Variants in SCARB1 observed in about 807,000 individuals in gnomAD.
The protein encoded by SCARB1 is CD36 and LIMPII analogous 1.
In SCARB1, 30 loss-of-function variants were observed where a neutral mutation model predicts 57.2. That is an observed-to-expected ratio of 0.52 (90% confidence interval 0.39 to 0.71). The LOEUF is 0.71. Ranked by LOEUF, SCARB1 falls within the 30% of genes least tolerant of loss-of-function variation. The pLI is 0.00. For synonymous variants in SCARB1, 249 were observed against 268.3 expected, an observed-to-expected ratio of 0.93 and a Z score of 0.70; for missense variants, 543 against 671.2, an observed-to-expected ratio of 0.81 and a Z score of 2.11.
chr12:124,835,845 T>C (rs4765620), intron 1 of SCARB1, among the ~76,000 whole-genome samples: 145,010 of 152,338 alleles, frequency 0.95, 69,477 homozygotes, highest in East Asian at 1. Flanking sequence ...TGGGCCTGCA[T>C]GCCACGTGGC....
intron 1 of SCARB1, among the ~76,000 whole-genome samples, chr12:124,825,118 G>A (rs1054759019): frequency 2.6e-5 from 4 of 151,496 alleles, no homozygotes; most frequent in Non-Finnish European, 4.4e-5. Context: ...CCAGCTACTC[G>A]GGTGGCTGAG....
Position 124,782,707 on chromosome 12 carries a change from A to T in SCARB1, c.1506T>A (p.Ser502=). 6.2e-7 allele frequency: 1 copy of T among 1,614,166 alleles called. No homozygotes were observed. Among genetic ancestry groups the T allele is most frequent in the South Asian group, 1.1e-5 (1 of 91,080 alleles). The change falls in exon 12 of 13, where the codon TCT becomes TCA. Residue 502 remains serine (S), a synonymous_variant. Transcript: ENST00000261693. ...CCTACAGTTTTGCTTCCTGCAGCAC[A>T]GAGCCCTTGGGAGCTGATGTCATCA... ...ESLMTSAPKG[S]VLQEAKL is the part of the protein sequence containing the mutation.
chr12:124,778,563 C>G lies in SCARB1; in HGVS notation c.*24G>C. 1 of 1,393,790 alleles carries G rather than the reference C, an allele frequency of 7.2e-7. No individual in the cohort carries two copies. Among genetic ancestry groups the G allele is most frequent in the Non-Finnish European group, 9.3e-7 (1 of 1,073,338 alleles). The allele number at this position is 1,393,790 out of a possible 1,614,324, so 86.3% of individuals were successfully genotyped here. On this transcript the variant is annotated 3_prime_UTR_variant, in exon 13 of 13. Coordinates refer to ENST00000261693, the MANE Select transcript of SCARB1 (RefSeq NM_005505.5). ...GGTCAGGCCCAGCGGCCAGGCCTGG[C>G]TGGCTCACGGTGTCCTCAGGACCCT...
Position 124,863,743 on chromosome 12 carries a change from C to T in SCARB1, c.-23G>A, listed in dbSNP as rs759772899. 11 of 1,439,352 alleles carry T rather than the reference C, an allele frequency of 7.6e-6. No homozygotes were observed. Among genetic ancestry groups the T allele is most frequent in the Non-Finnish European group, 1.0e-5 (11 of 1,095,294 alleles). 89.2% of individuals were successfully genotyped at this position (1,439,352 alleles called of 1,614,324 possible). Reference sequence around the variant, plus strand: ...CATGTCTGCGCGCCTGGGGCCCACCCGCGGCTCGCAGGGCTCCGCGCCTGG... The same window carrying T: ...CATGTCTGCGCGCCTGGGGCCCACCTGCGGCTCGCAGGGCTCCGCGCCTGG... On this transcript the variant is annotated 5_prime_UTR_variant, in exon 1 of 13. Coordinates refer to ENST00000261693, the MANE Select transcript of SCARB1 (RefSeq NM_005505.5).
intron 1 of SCARB1, among the ~76,000 whole-genome samples, chr12:124,819,149 G>GA: frequency 2.0e-5 from 3 of 150,102 alleles, no homozygotes; most frequent in Admixed American, 2.0e-4. Context: ...AAAAAGAAAA[G>GA]AAAGAAAGAA....
Position 124,817,204 on chromosome 12 carries a change from T to G in SCARB1, c.284+346A>C, listed in dbSNP as rs1950769578. 6.6e-6 allele frequency among the ~76,000 whole-genome samples: 1 copy of G among 151,462 alleles called. No individual in the cohort carries two copies. Among genetic ancestry groups the G allele is most frequent in the African/African-American group, 2.4e-5 (1 of 41,170 alleles). On this transcript the variant is annotated intron_variant, in intron 2 of 12. Coordinates refer to ENST00000261693, the MANE Select transcript of SCARB1 (RefSeq NM_005505.5). The surrounding 1 kb of genome is among the most constrained non-coding windows in gnomAD (Gnocchi z 4.8). ...GCACCCTCCACCCAGACGCACACCA[T>G]TGGTCCCTCCCTGCTCCATAAAGAA...
rs1344342093 is a variant in SCARB1 at position 124,777,238 on chromosome 12, C to T, written c.*1349G>A. 1 of 152,114 alleles carries T rather than the reference C, an allele frequency of 6.6e-6. No individual in the cohort carries two copies. Among genetic ancestry groups the T allele is most frequent in the African/African-American group, 2.4e-5 (1 of 41,436 alleles). The allele number at this position is 152,114 out of a possible 1,614,324, so 9.4% of individuals were successfully genotyped here. ...TTCTCTTACCCGCTTCTCTTCTTCA[C>T]CATTTATGTAACGAGCAGAAAGCAA... is the stretch of plus-strand genomic sequence containing the variant. On this transcript the variant is annotated 3_prime_UTR_variant, in exon 13 of 13. Transcript: ENST00000261693.
intron 1 of SCARB1, among the ~76,000 whole-genome samples, chr12:124,829,003 C>A (rs886802600): frequency 6.6e-6 from 1 of 152,214 alleles, no homozygotes; most frequent in Non-Finnish European, 1.5e-5. Context: ...CCTTAAGATG[C>A]AGGAACAACT....
chr12:124,809,349 C>T (rs838899), intron 6 of SCARB1, among the ~76,000 whole-genome samples: 7,622 of 152,220 alleles, frequency 0.05, 651 homozygotes, highest in African/African-American at 0.17. Context: ...CTTTGGGAGG[C>T]TGAAGCAGGA....
intron 1 of SCARB1, among the ~76,000 whole-genome samples, chr12:124,846,525 C>T (rs1173074303): frequency 2.6e-5 from 4 of 151,948 alleles, no homozygotes; most frequent in South Asian, 2.1e-4. Flanking sequence ...CCGAGGCAGG[C>T]GGATCATGAG....
intron 1 of SCARB1, among the ~76,000 whole-genome samples, chr12:124,845,591 G>C (rs1013229087): frequency 2.0e-5 from 3 of 149,564 alleles, no homozygotes; most frequent in African/African-American, 7.4e-5. Flanking sequence ...TGTAGTCCCA[G>C]CTACTGGGGA....
intron 8 of SCARB1, among the ~76,000 whole-genome samples, chr12:124,799,038 T>C (rs1455012456): frequency 6.6e-6 from 1 of 151,948 alleles, no homozygotes. Flanking sequence ...GTGACTAGAG[T>C]GAATAGCAAT....
At chr12:124,859,380 A>T (rs1001636894) in intron 1 of SCARB1, among the ~76,000 whole-genome samples, 26 of 152,084 alleles carry the variant, frequency 1.7e-4, no homozygotes, top group Non-Finnish European at 3.2e-4. Context: ...ACAAAAAAAA[A>T]ATTAGCTGGG....
intron 6 of SCARB1, among the ~76,000 whole-genome samples, chr12:124,809,697 T>G (rs564809448): frequency 6.6e-6 from 1 of 152,212 alleles, no homozygotes; most frequent in South Asian, 2.1e-4. Context: ...GTGACCAGAA[T>G]GGAACACGAC....
intron 7 of SCARB1, among the ~76,000 whole-genome samples, chr12:124,805,743 TTTTTTTG>T (rs1156638868): frequency 1.0e-4 from 14 of 134,272 alleles, no homozygotes; most frequent in African/African-American, 3.8e-4. Context: ...TTTTTTTTTT[TTTTTTTG>T]GCCAGAGAGA....
Position 124,786,053 on chromosome 12 carries a change from G to A in SCARB1, c.1401+304C>T, listed in dbSNP as rs1179411141. The A allele has an allele frequency of 5.9e-6, 9 of 1,513,986 alleles. No individual in the cohort carries two copies. In the Admixed American group the frequency reaches 1.8e-4, roughly 30 times the overall value. The allele number at this position is 1,513,986 out of a possible 1,614,324, so 93.8% of individuals were successfully genotyped here. ...CTAACAGAACCTGGCATCCCCGGGT[G>A]CTGACTTGATGAATGGATGATGCAA... On this transcript the variant is annotated intron_variant, in intron 11 of 12. Coordinates refer to ENST00000261693, the MANE Select transcript of SCARB1 (RefSeq NM_005505.5).
chr12:124,819,103 G>A (rs1024721576), intron 1 of SCARB1, among the ~76,000 whole-genome samples: 6 of 149,982 alleles, frequency 4.0e-5, no homozygotes, highest in African/African-American at 1.5e-4. Context: ...ACTCCAGCCT[G>A]GGTGTCCAAG....
Position 124,835,428 on chromosome 12 carries a change from T to A in SCARB1, c.127-17721A>T, listed in dbSNP as rs566338512. Among the ~76,000 whole-genome samples the A allele has an allele frequency of 5.5e-4, 84 of 152,050 alleles. 1 individual carries two copies. Among genetic ancestry groups the A allele is most frequent in the African/African-American group, 1.7e-3 (70 of 41,466 alleles). On this transcript the variant is annotated intron_variant, in intron 1 of 12. Transcript: ENST00000261693. ...GCTTCTGTCACCATACTCAGCTAATTTTTTCATTTTTTGTAGATTTTATTT... is the reference window on the plus strand; with the variant it reads ...GCTTCTGTCACCATACTCAGCTAATATTTTCATTTTTTGTAGATTTTATTT...
intron 1 of SCARB1, among the ~76,000 whole-genome samples, chr12:124,841,777 G>C (rs1254797602): frequency 6.6e-6 from 1 of 152,100 alleles, no homozygotes; most frequent in Non-Finnish European, 1.5e-5. Flanking sequence ...ACATCAGAAG[G>C]AGTCCCCTTC....
Sources: allele counts gnomAD v4.1 joint callset (sites outside exome capture counted in the v4.1 genomes callset), GRCh38; gene constraint gnomAD v4.1.1; non-coding constraint Gnocchi (gnomAD v3.1); transcripts MANE v1.5; gene names NCBI Gene and HGNC (gene_info 2026-07-23, HGNC 2026-07-21).